Variants in ADAM22 observed in about 807,000 individuals in gnomAD.
ADAM22 encodes the protein ADAM metallopeptidase domain 22, also known as disintegrin and metalloproteinase domain-containing protein 22.
Under a neutral mutation model 144.6 loss-of-function variants are expected in ADAM22, and 65 were observed. That is an observed-to-expected ratio of 0.45 (90% CI 0.37 to 0.55). The LOEUF (loss-of-function observed/expected upper bound fraction) is 0.55. ADAM22 is among the 20% of genes least tolerant of loss of function. ADAM22 has a pLI of 0.00. For missense variants in ADAM22, 974 were observed against 1,184.9 expected (o/e 0.82, Z 2.61); for synonymous variants, 391 against 412.6 (o/e 0.95, Z 0.63).
chr7:88,190,940 C>T (rs1849482309), intron 30 of ADAM22, among the ~76,000 whole-genome samples: 1 of 150,596 alleles, frequency 6.6e-6, no homozygotes, highest in Non-Finnish European at 1.5e-5. Context: ...TGTCAATTAA[C>T]AAGAGTGTTA....
At chr7:88,175,074 C>T (rs975993218) in intron 26 of ADAM22, among the ~76,000 whole-genome samples, 6 of 151,996 alleles carry the variant, frequency 3.9e-5, no homozygotes, top group Non-Finnish European at 7.4e-5. Flanking sequence ...GTTTTTTCCT[C>T]CAACATTTTA....
intron 25 of ADAM22, 115 bp from the exon 26 acceptor site, chr7:88,171,429 G>T: frequency 1.1e-6 from 1 of 899,032 alleles, no homozygotes. Flanking sequence ...GAATCCTCTA[G>T]TGAAGACTTT....
At chr7:88,100,577 C>T (rs1028128561) in intron 4 of ADAM22, among the ~76,000 whole-genome samples, 9 of 152,104 alleles carry the variant, frequency 5.9e-5, no homozygotes, top group Admixed American at 2.0e-4. Context: ...GAGTTTTAAT[C>T]GGGATAGGTT....
chr7:88,166,827 G>A (rs1010073727), intron 24 of ADAM22, among the ~76,000 whole-genome samples: 2 of 152,034 alleles, frequency 1.3e-5, no homozygotes, highest in African/African-American at 4.8e-5. Flanking sequence ...TTTAAATGAC[G>A]TGTCAAAAGC....
intron 3 of ADAM22, among the ~76,000 whole-genome samples, chr7:88,064,376 G>A (rs192443397): frequency 1.3e-5 from 2 of 152,240 alleles, no homozygotes; most frequent in East Asian, 1.9e-4. Context: ...ACTACTAACC[G>A]CATACCCTTG....
intron 24 of ADAM22, among the ~76,000 whole-genome samples, chr7:88,167,751 G>A (rs1220087735): frequency 6.6e-6 from 1 of 152,292 alleles, no homozygotes; most frequent in Non-Finnish European, 1.5e-5. Flanking sequence ...CCTTGCGTTA[G>A]TTGTCAAAAT....
chr7:88,102,702 T>C lies in ADAM22; in HGVS notation c.391-5474T>C, dbSNP rs543574599. Among the ~76,000 whole-genome samples the C allele has an allele frequency of 5.3e-5, 8 of 152,204 alleles. No individual in the cohort carries two copies. In the South Asian group the frequency reaches 1.5e-3, roughly 28 times the overall value. The stretch of plus-strand genomic sequence containing the variant: ...TCTGGGCAAGAGACAGTATCTGCAT[T>C]ATAAATTGATGTCTTGAATTGTTAT... On this transcript the variant is annotated intron_variant, in intron 4 of 31. Transcript: ENST00000413139.
At chr7:88,157,586 G>A (rs1840325592) in intron 22 of ADAM22, among the ~76,000 whole-genome samples, 1 of 151,904 alleles carries the variant, frequency 6.6e-6, no homozygotes, top group Admixed American at 6.6e-5. Context: ...GAGAAAGACA[G>A]GGAATATAGG....
At chr7:88,140,331 G>C (rs1834233557) in intron 14 of ADAM22, among the ~76,000 whole-genome samples, 1 of 151,992 alleles carries the variant, frequency 6.6e-6, no homozygotes. Context: ...TTCCTCCTGT[G>C]GTTGCACCAT....
intron 3 of ADAM22, among the ~76,000 whole-genome samples, chr7:87,990,298 G>A (rs1170653594): frequency 6.6e-6 from 1 of 152,186 alleles, no homozygotes; most frequent in African/African-American, 2.4e-5. Flanking sequence ...ACGATCTGCT[G>A]GAGATAATTG....
chr7:87,936,012 T>A (rs1029558481), intron 2 of ADAM22, among the ~76,000 whole-genome samples: 1 of 152,236 alleles, frequency 6.6e-6, no homozygotes, highest in Non-Finnish European at 1.5e-5. Context: ...AAGATAGGAC[T>A]TGTTCATGTA....
intron 26 of ADAM22, 55 bp from the exon 27 acceptor site, chr7:88,178,880 C>G (rs1282102522): frequency 4.5e-6 from 5 of 1,103,706 alleles, no homozygotes; most frequent in Non-Finnish European, 5.2e-6. Context: ...TTGTATATGT[C>G]TGTGTTCATG....
rs1350378187 is a variant in ADAM22 at position 88,168,121 on chromosome 7, T to G, written c.2192-16T>G. The G allele has an allele frequency of 1.3e-6, 2 of 1,594,954 alleles. No homozygotes were observed. The highest frequency in any genetic ancestry group is 3.4e-5 in the Admixed American group (2 of 59,152). Reference sequence around the variant, plus strand: ...TTATACCACTGATCTTCCTTCTTTCTTTTTTTTCCTCTCAGGTGTTGCTGG... The same window carrying G: ...TTATACCACTGATCTTCCTTCTTTCGTTTTTTTCCTCTCAGGTGTTGCTGG... On this transcript the variant is annotated splice_polypyrimidine_tract_variant and intron_variant, in intron 24 of 31. Coordinates refer to ENST00000413139, the MANE Select transcript of ADAM22 (RefSeq NM_001324418.2).
intron 4 of ADAM22, among the ~76,000 whole-genome samples, chr7:88,097,202 A>G (rs1190168525): frequency 2.9e-5 from 4 of 136,956 alleles, no homozygotes; most frequent in Non-Finnish European, 4.6e-5. Context: ...CCCAGGCTGG[A>G]GTACAGTGGC....
intron 4 of ADAM22, among the ~76,000 whole-genome samples, chr7:88,085,407 T>C (rs1818176245): frequency 6.6e-6 from 1 of 152,108 alleles, no homozygotes; most frequent in Non-Finnish European, 1.5e-5. Flanking sequence ...AAAGAATACA[T>C]TTTTCAGGAA....
chr7:88,086,598 T>C (rs1205584248), intron 4 of ADAM22, among the ~76,000 whole-genome samples: 1 of 152,258 alleles, frequency 6.6e-6, no homozygotes, highest in Non-Finnish European at 1.5e-5. Context: ...AATTAAATTC[T>C]TAATTTACTC....
At chr7:88,064,021 A>C (rs992637240) in intron 3 of ADAM22, among the ~76,000 whole-genome samples, 3 of 152,176 alleles carry the variant, frequency 2.0e-5, no homozygotes, top group Admixed American at 6.5e-5. Flanking sequence ...GTGAGAAGCC[A>C]AGGGAATTCC....
At chr7:88,181,399 A>T (rs542675082) in intron 27 of ADAM22, 106 bp from the exon 28 acceptor site, 9 of 831,590 alleles carry the variant, frequency 1.1e-5, no homozygotes, top group South Asian at 5.7e-5. Context: ...TTCTTTCTTG[A>T]TTTATTTTAT....
At chr7:88,047,077 A>G (rs766102702) in intron 3 of ADAM22, among the ~76,000 whole-genome samples, 1 of 152,182 alleles carries the variant, frequency 6.6e-6, no homozygotes, top group African/African-American at 2.4e-5. Context: ...GTCTTCAGGC[A>G]TCTATTTCCT....
Sources: allele counts gnomAD v4.1 joint callset (sites outside exome capture counted in the v4.1 genomes callset), GRCh38; gene constraint gnomAD v4.1.1; transcripts MANE v1.5; gene names NCBI Gene and HGNC (gene_info 2026-07-23, HGNC 2026-07-21).